Variants in HSH2D observed in about 807,000 individuals in gnomAD.
HSH2D encodes the protein hematopoietic SH2 domain-containing protein.
Under a neutral mutation model 21.5 loss-of-function variants are expected in HSH2D, and 16 were observed. The ratio of observed to expected loss-of-function variants is 0.74; its 90% CI spans 0.50 to 1.13. The LOEUF (loss-of-function observed/expected upper bound fraction) is 1.13. HSH2D is among the 50% of genes most tolerant of loss of function. The probability of loss-of-function intolerance (pLI) is 0.00; values close to 1 mark genes in which losing one functional copy is unlikely to be tolerated. For synonymous variants in HSH2D, 172 were observed against 184.7 expected (o/e 0.93, Z 0.56); for missense variants, 418 against 441.4 (o/e 0.95, Z 0.47).
At chr19:16,155,256 A>T (rs981552324) in intron 5 of HSH2D, among the ~76,000 whole-genome samples, 1 of 151,464 alleles carries the variant, frequency 6.6e-6, no homozygotes, top group Non-Finnish European at 1.5e-5. Context: ...TGTGATGGAC[A>T]TCAGTGGAGG....
chr19:16,154,266 A>G, intron 4 of HSH2D, 133 bp from the exon 5 acceptor site: 1 of 565,146 alleles, frequency 1.8e-6, no homozygotes. Flanking sequence ...TTTTCTTATA[A>G]CGCTTAGTGG....
At chr19:16,151,593 C>T (rs2091151223) in intron 2 of HSH2D, 1 of 455,770 alleles carries the variant, frequency 2.2e-6, no homozygotes, top group Non-Finnish European at 4.4e-6. Context: ...TTCTTTGTTA[C>T]TTGTGACACC....
upstream of HSH2D, among the ~76,000 whole-genome samples, chr19:16,138,746 G>A (rs998245433): frequency 6.6e-6 from 1 of 151,972 alleles, no homozygotes; most frequent in Non-Finnish European, 1.5e-5. Context: ...TTGAGCCACC[G>A]CACCCAGCCT....
chr19:16,157,662 G>A lies in HSH2D; in HGVS notation c.927G>A (p.Trp309Ter). The A allele has an allele frequency of 6.2e-7, 1 of 1,613,486 alleles. No homozygotes were observed. The highest frequency in any genetic ancestry group is 8.5e-7 in the Non-Finnish European group (1 of 1,179,678). Residue 309 changes from tryptophan to a stop codon, truncating the protein, a stop_gained, in exon 6 of 6, where the codon TGG (tryptophan) becomes TGA (stop). Coordinates refer to ENST00000613986, the MANE Select transcript of HSH2D (RefSeq NM_001382417.1). LOFTEE classifies it low-confidence loss of function (END_TRUNC). The surrounding 1 kb of genome is among the most constrained non-coding windows in gnomAD (Gnocchi z 4.4). ...AGGTGACCCCAGGGGACAGGAGTTG[G>A]CACCAAATGGTAGTGAGAGCCCTAT... is the stretch of plus-strand genomic sequence containing the variant. Reference protein sequence around the residue: ...CIEVTPGDRSWHQMVVRALSS... With the variant: ...CIEVTPGDRS
Position 16,157,654 on chromosome 19 carries a change from A to G in HSH2D, c.919A>G (p.Arg307Gly). Residue 307 changes from arginine to glycine, a missense_variant, in exon 6 of 6, where the codon AGG (arginine) becomes GGG (glycine). Physicochemically the swap from Arg to Gly is moderately radical, Grantham distance 125. Coordinates refer to ENST00000613986, the MANE Select transcript of HSH2D (RefSeq NM_001382417.1). The surrounding 1 kb of genome is among the most constrained non-coding windows in gnomAD (Gnocchi z 4.4). ...CTGCATTGAGGTGACCCCAGGGGACAGGAGTTGGCACCAAATGGTAGTGAG... is the reference window on the plus strand; with the variant it reads ...CTGCATTGAGGTGACCCCAGGGGACGGGAGTTGGCACCAAATGGTAGTGAG... Reference protein sequence around the residue: ...VSCIEVTPGDRSWHQMVVRAL... With the variant: ...VSCIEVTPGDGSWHQMVVRAL... 6.2e-7 allele frequency: 1 copy of G among 1,613,634 alleles called. No homozygotes were observed. Among genetic ancestry groups the G allele is most frequent in the South Asian group, 1.1e-5 (1 of 91,054 alleles).
Position 16,157,107 on chromosome 19 carries a change from T to C in HSH2D, c.475-103T>C. ...TTGGGGGTTCACACGGGGACGTTTC[T>C]CAGCCACAGGGTGTCTGGGTGGAAC... On this transcript the variant is annotated intron_variant, in intron 5 of 5. Coordinates refer to ENST00000613986, the MANE Select transcript of HSH2D (RefSeq NM_001382417.1). The surrounding 1 kb of genome is among the most constrained non-coding windows in gnomAD (Gnocchi z 4.4). 1.1e-6 allele frequency: 1 copy of C among 936,240 alleles called. No homozygotes were observed. The highest frequency in any genetic ancestry group is 1.9e-5 in the South Asian group (1 of 53,844). 58.0% of individuals were successfully genotyped at this position (936,240 alleles called of 1,614,324 possible).
At chr19:16,136,579 CAT>C (rs1416409533) in intron 1 of HSH2D, among the ~76,000 whole-genome samples, 3 of 152,180 alleles carry the variant, frequency 2.0e-5, no homozygotes, top group African/African-American at 7.2e-5. Flanking sequence ...GAGCTGCAGA[CAT>C]AGATAAGCGA....
chr19:16,157,423 T>C lies in HSH2D; in HGVS notation c.688T>C (p.Leu230=). The C allele has an allele frequency of 6.2e-7, 1 of 1,613,782 alleles. No homozygotes were observed. The highest frequency in any genetic ancestry group is 8.5e-7 in the Non-Finnish European group (1 of 1,179,844). The change falls in exon 6 of 6, where the codon TTG becomes CTG. Residue 230 remains leucine, a synonymous_variant. Coordinates refer to ENST00000613986, the MANE Select transcript of HSH2D (RefSeq NM_001382417.1). The surrounding 1 kb of genome is among the most constrained non-coding windows in gnomAD (Gnocchi z 4.4). ...AAAAAGCCACCTCGCCACTGTGAAC[T>C]TGTCGTCACTCTTGGATGTCCGGAG... ...QLKSHLATVN[L]SSLLDVRRST...
At position 16,153,675 on chromosome 19, in the gene HSH2D, T is replaced by C. The variant is rs143516352; in HGVS notation, c.381+467T>C. On this transcript the variant is annotated intron_variant, in intron 4 of 5. Coordinates refer to ENST00000613986, the MANE Select transcript of HSH2D (RefSeq NM_001382417.1). Reference sequence around the variant, plus strand: ...GGAGCATCTTTCCTTAGAAGCTCGGTGGGCGTGGCCTGGCTCCCAATACGC... The same window carrying C: ...GGAGCATCTTTCCTTAGAAGCTCGGCGGGCGTGGCCTGGCTCCCAATACGC... Among the ~76,000 whole-genome samples the C allele has an allele frequency of 4.6e-3, 675 of 145,186 alleles. 7 individuals carry two copies. The highest frequency in any genetic ancestry group is 0.016 in the African/African-American group (620 of 38,626).
chr19:16,137,685 G>A (rs1226572546), intron 1 of HSH2D, among the ~76,000 whole-genome samples: 1 of 152,102 alleles, frequency 6.6e-6, no homozygotes, highest in South Asian at 2.1e-4. Context: ...AGGCTCAAGT[G>A]ATCCTCCTGC....
At chr19:16,136,582 A>C (rs2090965652) in intron 1 of HSH2D, among the ~76,000 whole-genome samples, 1 of 152,200 alleles carries the variant, frequency 6.6e-6, no homozygotes. Flanking sequence ...CTGCAGACAT[A>C]GATAAGCGAG....
intron 1 of HSH2D, among the ~76,000 whole-genome samples, chr19:16,147,498 A>G (rs2091087928): frequency 6.8e-6 from 1 of 147,278 alleles, no homozygotes; most frequent in Non-Finnish European, 1.5e-5. Flanking sequence ...AAAAAAAAAA[A>G]GAAAAAAAAC....
intron 2 of HSH2D, chr19:16,151,341 A>AG (rs1339511816): frequency 5.8e-4 from 135 of 234,494 alleles, no homozygotes; most frequent in Middle Eastern, 1.9e-3. Flanking sequence ...AAAAAAAAAA[A>AG]AGAGAGAGAG....
chr19:16,139,617 C>G (rs1177165343), upstream of HSH2D: 1 of 152,224 alleles, frequency 6.6e-6, no homozygotes, highest in East Asian at 1.9e-4. Flanking sequence ...TTGGCAGAGC[C>G]TAAGGGCTTC....
chr19:16,136,872 C>T (rs1013381926), intron 1 of HSH2D, among the ~76,000 whole-genome samples: 4 of 152,212 alleles, frequency 2.6e-5, no homozygotes, highest in Admixed American at 1.3e-4. Flanking sequence ...CAATCTTTCA[C>T]GCCTTATGTA....
At chr19:16,136,798 C>T (rs1228076333) in intron 1 of HSH2D, among the ~76,000 whole-genome samples, 2 of 152,144 alleles carry the variant, frequency 1.3e-5, no homozygotes, top group Non-Finnish European at 2.9e-5. Context: ...ACACCCGATG[C>T]AAATGGCACA....
At chr19:16,152,004 G>A (rs1169539629) in intron 2 of HSH2D, among the ~76,000 whole-genome samples, 4 of 150,262 alleles carry the variant, frequency 2.7e-5, no homozygotes, top group Non-Finnish European at 5.9e-5. Context: ...CTACTCAGGA[G>A]GCTGAGGCAA....
chr19:16,155,719 C>G (rs975123986), intron 5 of HSH2D: 3 of 151,238 alleles, frequency 2.0e-5, no homozygotes, highest in Admixed American at 6.7e-5. Flanking sequence ...CTCCCAGGTT[C>G]AAGCGATTCT....
At chr19:16,149,140 C>T (rs1376962818) in intron 2 of HSH2D, among the ~76,000 whole-genome samples, 1 of 152,166 alleles carries the variant, frequency 6.6e-6, no homozygotes, top group African/African-American at 2.4e-5. Context: ...GACCTGGCAG[C>T]ACCCCACACC....
Sources: allele counts gnomAD v4.1 joint callset (sites outside exome capture counted in the v4.1 genomes callset), GRCh38; gene constraint gnomAD v4.1.1; non-coding constraint Gnocchi (gnomAD v3.1); transcripts MANE v1.5; gene names NCBI Gene and HGNC (gene_info 2026-07-23, HGNC 2026-07-21).